PCDHA13: variants seen among roughly 807,000 people sequenced by gnomAD.
The protein encoded by PCDHA13 is protocadherin alpha-13.
Under a neutral mutation model 64.8 loss-of-function variants are expected in PCDHA13, and 54 were observed. That is an observed-to-expected ratio of 0.83 (90% confidence interval 0.67 to 1.04). PCDHA13 has a LOEUF of 1.04. PCDHA13 is among the 50% of genes least tolerant of loss of function. The probability of loss-of-function intolerance (pLI) is 0.00; values close to 1 mark genes in which losing one functional copy is unlikely to be tolerated. For synonymous variants in PCDHA13, 587 were observed against 564.4 expected, an observed-to-expected ratio of 1.04 and a Z score of -0.57; for missense variants, 1,248 against 1,254.3, an observed-to-expected ratio of 0.99 and a Z score of 0.08.
intron 1 of PCDHA13, among the ~76,000 whole-genome samples, chr5:140,942,619 T>TA (rs35075175): frequency 5.6e-4 from 83 of 148,996 alleles, no homozygotes; most frequent in Non-Finnish European, 6.7e-4. Flanking sequence ...TTGCCAATTG[T>TA]AAAAAAAAAA....
intron 3 of PCDHA13, among the ~76,000 whole-genome samples, chr5:140,982,886 G>A (rs1310342145): frequency 1.3e-5 from 2 of 152,114 alleles, no homozygotes; most frequent in Admixed American, 6.6e-5. Flanking sequence ...GCCATGCAGA[G>A]AAGATCTGGT....
At chr5:140,902,509 A>G (rs1242435474) in intron 1 of PCDHA13, among the ~76,000 whole-genome samples, 2 of 152,056 alleles carry the variant, frequency 1.3e-5, no homozygotes, top group Non-Finnish European at 2.9e-5. Context: ...TGAGTCTGTC[A>G]TATATGGTTT....
chr5:140,968,312 C>A, intron 1 of PCDHA13: 2 of 1,613,960 alleles, frequency 1.2e-6, no homozygotes, highest in Non-Finnish European at 1.7e-6. Context: ...GATTCAAGGG[C>A]TGCCAGTCAC....
At chr5:141,002,220 G>A (rs2098065627) in intron 3 of PCDHA13, among the ~76,000 whole-genome samples, 1 of 152,196 alleles carries the variant, frequency 6.6e-6, no homozygotes. Context: ...TCAAAATGAT[G>A]GGTTTTCTGG....
chr5:140,920,972 T>C (rs246075), intron 1 of PCDHA13, among the ~76,000 whole-genome samples: 86,063 of 151,854 alleles, frequency 0.57, 25,081 homozygotes, highest in African/African-American at 0.71. Flanking sequence ...TACTAGAGTA[T>C]AATATTGTAT....
intron 2 of PCDHA13, 87 bp downstream of exon 2, chr5:140,979,094 T>C (rs1203462119): frequency 6.4e-7 from 1 of 1,551,870 alleles, no homozygotes; most frequent in Non-Finnish European, 8.7e-7. Flanking sequence ...CAGAAGCAGC[T>C]GTCAAAACTA....
chr5:140,884,046 A>T lies in PCDHA13; in HGVS notation c.1778A>T (p.Lys593Met). The T allele has an allele frequency of 6.2e-7, 1 of 1,613,474 alleles. No individual in the cohort carries two copies. The highest frequency in any genetic ancestry group is 8.5e-7 in the Non-Finnish European group (1 of 1,179,726). ...RSVGAGHVVA[K>M]VRAVDADSGY... The stretch of plus-strand genomic sequence containing the variant: ...GTGGGTGCAGGCCACGTGGTGGCGA[A>T]GGTGCGCGCGGTGGACGCCGATTCG... Residue 593 changes from lysine (K) to methionine (M), a missense_variant, in exon 1 of 4, where the codon AAG becomes ATG. Physicochemically the swap from Lys to Met is moderately conservative, Grantham distance 95. Coordinates refer to ENST00000289272, the MANE Select transcript of PCDHA13 (RefSeq NM_018904.3).
chr5:140,954,532 GT>G (rs1274213608), intron 1 of PCDHA13, among the ~76,000 whole-genome samples: 7 of 152,088 alleles, frequency 4.6e-5, no homozygotes, highest in Non-Finnish European at 5.9e-5. Context: ...TGATGTTGAG[GT>G]TTTTTTCATA....
At position 140,884,113 on chromosome 5, in the gene PCDHA13, G is replaced by T. The variant is rs782579609; in HGVS notation, c.1845G>T (p.Ala615=). ...TTTCGTATGAATTGCAGCTGGCGGC[G>T]GTCGGCGCGCGCATCCCGTTCCGCG... ...AWLSYELQLA[A]VGARIPFRVG... Residue 615 remains alanine, a synonymous_variant, in exon 1 of 4, where the codon GCG becomes GCT. Transcript: ENST00000289272. 9.3e-6 allele frequency: 15 copies of T among 1,613,390 alleles called. No homozygotes were observed. The highest frequency in any genetic ancestry group is 3.3e-5 in the Admixed American group (2 of 60,010).
At chr5:140,958,069 A>C (rs2095407625) in intron 1 of PCDHA13, among the ~76,000 whole-genome samples, 1 of 152,104 alleles carries the variant, frequency 6.6e-6, no homozygotes. Flanking sequence ...AAAAACACAG[A>C]AGCAAAAAGT....
intron 1 of PCDHA13, chr5:140,928,245 A>G: frequency 2.5e-6 from 4 of 1,614,192 alleles, no homozygotes; most frequent in Non-Finnish European, 8.5e-7. Context: ...CCCAGCAGGA[A>G]CTTTTCGTTG....
intron 1 of PCDHA13, among the ~76,000 whole-genome samples, chr5:140,949,473 G>A (rs2094384488): frequency 6.6e-6 from 1 of 151,492 alleles, no homozygotes; most frequent in South Asian, 2.1e-4. Flanking sequence ...CCTGTTATTA[G>A]GCACACACAT....
chr5:140,978,688 G>A (rs1258023605), intron 1 of PCDHA13, among the ~76,000 whole-genome samples: 2 of 152,238 alleles, frequency 1.3e-5, no homozygotes, highest in African/African-American at 4.8e-5. Context: ...TATTGGGCAA[G>A]GCAAAGCCAA....
intron 1 of PCDHA13, chr5:140,927,568 A>G: frequency 1.9e-6 from 3 of 1,614,174 alleles, no homozygotes; most frequent in Non-Finnish European, 2.5e-6. Context: ...TGTGGTGGAC[A>G]CAAATGACAA....
At chr5:140,897,339 C>G (rs1373496877) in intron 1 of PCDHA13, among the ~76,000 whole-genome samples, 14 of 121,352 alleles carry the variant, frequency 1.2e-4, no homozygotes, top group African/African-American at 4.4e-4. Context: ...CCCCCTCCCC[C>G]CACCCCACAA....
intron 1 of PCDHA13, chr5:140,967,662 A>G: frequency 6.2e-7 from 1 of 1,614,192 alleles, no homozygotes; most frequent in Non-Finnish European, 8.5e-7. Context: ...TTGAGCAGCT[A>G]CACGTCGGAC....
At chr5:140,943,237 C>T (rs1364015851) in intron 1 of PCDHA13, among the ~76,000 whole-genome samples, 1 of 121,190 alleles carries the variant, frequency 8.3e-6, no homozygotes, top group African/African-American at 3.3e-5. Flanking sequence ...CAGCCTGGGT[C>T]ACAGAGTGAG....
rs79304807 is a variant in PCDHA13 at position 140,914,832 on chromosome 5, A to G, written c.2394+30170A>G. ...ACTTAACAGACTGCATAAACAAAAA[A>G]CAAACACACAAAAGGAAGACTAATA... On this transcript the variant is annotated intron_variant, in intron 1 of 3. Transcript: ENST00000289272. 8.0e-3 allele frequency among the ~76,000 whole-genome samples: 1,220 copies of G among 152,292 alleles called. 6 individuals carry two copies. Among genetic ancestry groups the G allele is most frequent in the African/African-American group, 0.019 (787 of 41,574 alleles).
At chr5:140,955,506 G>A (rs781377705) in intron 1 of PCDHA13, among the ~76,000 whole-genome samples, 3 of 152,222 alleles carry the variant, frequency 2.0e-5, no homozygotes, top group South Asian at 2.1e-4. Flanking sequence ...GAAGAAAGAC[G>A]TGTTTGCTTT....
Sources: gnomAD v4.1 joint callset for allele counts (sites outside exome capture counted in the v4.1 genomes callset) on GRCh38, gnomAD v4.1.1 for gene constraint, MANE v1.5 for transcripts, NCBI Gene and HGNC (gene_info 2026-07-23, HGNC 2026-07-21) for gene names.